RERG: variants seen among roughly 807,000 people sequenced by gnomAD.
RERG encodes RAS like estrogen regulated growth inhibitor, also known as ras-related and estrogen-regulated growth inhibitor.
Under a neutral mutation model 23.2 loss-of-function variants are expected in RERG, and 25 were observed. That is an observed-to-expected ratio of 1.08 (90% CI 0.79 to 1.50). The LOEUF is 1.50. RERG is among the 40% of genes most tolerant of loss of function. The pLI, the probability that RERG is intolerant of heterozygous loss-of-function variation, is 0.00. For synonymous variants in RERG, 81 were observed against 89.1 expected, an observed-to-expected ratio of 0.91 and a Z score of 0.51; for missense variants, 253 against 250.1, an observed-to-expected ratio of 1.01 and a Z score of -0.08.
chr12:15,153,063 A>G (rs766855590), intron 2 of RERG, among the ~76,000 whole-genome samples: 4 of 152,172 alleles, frequency 2.6e-5, no homozygotes, highest in Admixed American at 6.6e-5. Context: ...GGTGAGTCAC[A>G]TATTTACACT....
intron 2 of RERG, among the ~76,000 whole-genome samples, chr12:15,142,161 T>C (rs1355774051): frequency 6.6e-6 from 1 of 152,244 alleles, no homozygotes; most frequent in Admixed American, 6.5e-5. Flanking sequence ...GTGTTAAAAA[T>C]TATTTCACAG....
intron 2 of RERG, among the ~76,000 whole-genome samples, chr12:15,177,841 T>TTTG (rs2136126810): frequency 1.7e-5 from 2 of 118,306 alleles, no homozygotes; most frequent in Non-Finnish European, 3.8e-5. Flanking sequence ...CTCTGTTTGT[T>TTTG]TTTTTTTTTT....
At chr12:15,112,867 A>C (rs1156796137) in intron 3 of RERG, among the ~76,000 whole-genome samples, 1 of 152,178 alleles carries the variant, frequency 6.6e-6, no homozygotes, top group Non-Finnish European at 1.5e-5. Flanking sequence ...GGAACAATGA[A>C]AGATTTAAGA....
intron 4 of RERG, 120 bp from the exon 5 acceptor site, chr12:15,109,637 C>A: frequency 1.4e-6 from 1 of 738,624 alleles, no homozygotes; most frequent in South Asian, 2.7e-5. Flanking sequence ...ATTAAAATGT[C>A]GTGGTACTCT....
chr12:15,183,751 C>T (rs1864955722), intron 2 of RERG, among the ~76,000 whole-genome samples: 1 of 152,114 alleles, frequency 6.6e-6, no homozygotes, highest in Non-Finnish European at 1.5e-5. Flanking sequence ...AGAAAAAGCA[C>T]AGCTTTTACA....
intron 3 of RERG, among the ~76,000 whole-genome samples, chr12:15,117,547 TC>T (rs1337987916): frequency 1.3e-5 from 2 of 152,076 alleles, no homozygotes; most frequent in Non-Finnish European, 2.9e-5. Context: ...GTCTCCTCAT[TC>T]CCATCCTCAT....
chr12:15,202,068 A>C (rs1345946966), intron 2 of RERG, among the ~76,000 whole-genome samples: 2 of 151,812 alleles, frequency 1.3e-5, no homozygotes, highest in Non-Finnish European at 3.0e-5. Context: ...CCGTTCTTTC[A>C]TTACTTTGTT....
chr12:15,194,983 T>G (rs73306764), intron 2 of RERG, among the ~76,000 whole-genome samples: 8 of 152,224 alleles, frequency 5.3e-5, no homozygotes, highest in African/African-American at 1.9e-4. Flanking sequence ...TTTCCATTTG[T>G]TTTGTTTTCT....
intron 2 of RERG, among the ~76,000 whole-genome samples, chr12:15,163,902 G>A (rs1327637910): frequency 1.3e-5 from 2 of 152,150 alleles, no homozygotes; most frequent in African/African-American, 2.4e-5. Context: ...TACAGGAAGG[G>A]GTAGGGCGGA....
chr12:15,131,707 G>T (rs531878538), intron 2 of RERG, among the ~76,000 whole-genome samples: 289 of 152,134 alleles, frequency 1.9e-3, no homozygotes, highest in African/African-American at 6.7e-3. Context: ...ACAGATCCTA[G>T]GATCTTACAA....
intron 2 of RERG, among the ~76,000 whole-genome samples, chr12:15,214,071 C>T (rs1048900499): frequency 6.7e-6 from 1 of 149,734 alleles, no homozygotes; most frequent in Non-Finnish European, 1.5e-5. Flanking sequence ...TATAAGCTGT[C>T]TGACTTAGTG....
intron 2 of RERG, among the ~76,000 whole-genome samples, chr12:15,192,238 C>T (rs889529836): frequency 1.3e-5 from 2 of 152,120 alleles, no homozygotes; most frequent in Middle Eastern, 3.2e-3. Context: ...TCCTGCTATG[C>T]GATATGCCTG....
intron 4 of RERG, among the ~76,000 whole-genome samples, chr12:15,110,300 T>C (rs2136081659): frequency 6.6e-6 from 1 of 152,110 alleles, no homozygotes; most frequent in East Asian, 1.9e-4. Context: ...GGTCAGAGAA[T>C]AAGTAGGTGG....
chr12:15,213,688 C>T (rs916517258), intron 2 of RERG, among the ~76,000 whole-genome samples: 3 of 152,180 alleles, frequency 2.0e-5, no homozygotes, highest in East Asian at 3.8e-4. Flanking sequence ...GTAATCAGCA[C>T]ATTATTAAAT....
chr12:15,164,243 T>C (rs1182242178), intron 2 of RERG, among the ~76,000 whole-genome samples: 2 of 152,172 alleles, frequency 1.3e-5, no homozygotes, highest in Non-Finnish European at 2.9e-5. Context: ...TCCATCCTCC[T>C]TTCTAGAGCT....
chr12:15,133,639 G>C (rs139043277), intron 2 of RERG, among the ~76,000 whole-genome samples: 55 of 151,520 alleles, frequency 3.6e-4, no homozygotes, highest in African/African-American at 1.1e-3. Flanking sequence ...TACAGCAAGA[G>C]TACCTTTAGC....
chr12:15,207,769 G>C (rs1209726350), intron 2 of RERG, among the ~76,000 whole-genome samples: 1 of 152,132 alleles, frequency 6.6e-6, no homozygotes, highest in Non-Finnish European at 1.5e-5. Flanking sequence ...CATGAGTCAA[G>C]GCATGCTGGC....
chr12:15,171,286 T>C lies in RERG; in HGVS notation c.61+46143A>G, dbSNP rs949773823. On this transcript the variant is annotated intron_variant, in intron 2 of 4. Transcript: ENST00000256953. ...TGGTCTTCTGATTTTTCCCCACATA[T>C]CAGAACCTTGAATTTACAGTACGAT... Among the ~76,000 whole-genome samples, 3 of 152,308 alleles carry C rather than the reference T, an allele frequency of 2.0e-5. No homozygotes were observed. The East Asian group carries it at 5.8e-4, about 29-fold the overall frequency.
chr12:15,189,179 C>T (rs1248503487), intron 2 of RERG, among the ~76,000 whole-genome samples: 1 of 152,184 alleles, frequency 6.6e-6, no homozygotes, highest in Non-Finnish European at 1.5e-5. Context: ...AAATGTGTCA[C>T]ATGTCATTTC....
Sources: allele counts gnomAD v4.1 joint callset (sites outside exome capture counted in the v4.1 genomes callset), GRCh38; gene constraint gnomAD v4.1.1; transcripts MANE v1.5; gene names NCBI Gene and HGNC (gene_info 2026-07-23, HGNC 2026-07-21).